SEL1L3: variants seen among roughly 807,000 people sequenced by gnomAD.
SEL1L3 encodes the protein protein sel-1 homolog 3.
A neutral mutation model predicts 142.8 loss-of-function variants in SEL1L3; 76 were observed. The observed-to-expected ratio is 0.53, with a 90% CI of 0.44 to 0.64. The LOEUF is 0.64. Among genes scored for constraint, SEL1L3 ranks in the 30% least tolerant of loss-of-function variants. SEL1L3 has a pLI of 0.00. For synonymous variants in SEL1L3, 504 were observed against 519.6 expected (o/e 0.97, Z 0.41); for missense variants, 1,262 against 1,381.7 (o/e 0.91, Z 1.37).
the SEL1L3 span, among the ~76,000 whole-genome samples, chr4:25,722,112 AT>A: frequency 6.6e-6 from 1 of 152,176 alleles, no homozygotes; most frequent in Non-Finnish European, 1.5e-5. Context: ...CTTATATACC[AT>A]TTTAACAAAG....
intron 9 of SEL1L3, among the ~76,000 whole-genome samples, chr4:25,809,180 G>A (rs1713845585): frequency 6.6e-6 from 1 of 150,434 alleles, no homozygotes; most frequent in African/African-American, 2.5e-5. Flanking sequence ...ATCTTGCTCT[G>A]TCGCCCAGAC....
chr4:25,722,623 G>GTTTTTTTTTTTTTT, the SEL1L3 span, among the ~76,000 whole-genome samples: 1 of 125,124 alleles, frequency 8.0e-6, no homozygotes, highest in African/African-American at 4.6e-5. Context: ...TCCAAAGGAG[G>GTTTTTTTTTTTTTT]CTTTTTTTTT....
intron 6 of SEL1L3, among the ~76,000 whole-genome samples, chr4:25,823,941 G>A (rs1490476365): frequency 6.6e-6 from 1 of 152,180 alleles, no homozygotes; most frequent in Non-Finnish European, 1.5e-5. Context: ...GGAGGCATGA[G>A]ACAATGAAGC....
At chr4:25,739,265 G>A in the SEL1L3 span, among the ~76,000 whole-genome samples, 6 of 152,108 alleles carry the variant, frequency 3.9e-5, no homozygotes, top group South Asian at 4.2e-4. Flanking sequence ...GGCATTTTTG[G>A]TTGTCACAAC....
At chr4:25,827,705 C>T (rs1239670535) in intron 6 of SEL1L3, among the ~76,000 whole-genome samples, 1 of 152,168 alleles carries the variant, frequency 6.6e-6, no homozygotes, top group Non-Finnish European at 1.5e-5. Context: ...CACTCTTTCT[C>T]CCATTCACTC....
At chr4:25,790,659 GAAGGA>G (rs1712250576) in intron 11 of SEL1L3, 85 bp from the exon 12 acceptor site, 1 of 40,456 alleles carries the variant, frequency 2.5e-5, no homozygotes, top group Non-Finnish European at 4.7e-5. Flanking sequence ...AGGAAGGAAG[GAAGGA>G]AGGGAGGGAG....
intron 2 of SEL1L3, among the ~76,000 whole-genome samples, chr4:25,842,245 TAA>T (rs113690467): frequency 1.4e-5 from 2 of 139,978 alleles, no homozygotes; most frequent in Non-Finnish European, 1.6e-5. Flanking sequence ...TTGTGGAAAT[TAA>T]AAAAAAAAAA....
chr4:25,714,524 CTTT>C, the SEL1L3 span, among the ~76,000 whole-genome samples: 1 of 141,140 alleles, frequency 7.1e-6, no homozygotes, highest in African/African-American at 2.7e-5. Flanking sequence ...TTCTTTCTTT[CTTT>C]CTTTCTTTCT....
At chr4:25,821,807 T>C (rs1010662098) in intron 7 of SEL1L3, among the ~76,000 whole-genome samples, 189 bp downstream of exon 7, 1 of 152,218 alleles carries the variant, frequency 6.6e-6, no homozygotes, top group Non-Finnish European at 1.5e-5. Flanking sequence ...GAGTACTAAA[T>C]GAACCAAATG....
At position 25,779,113 on chromosome 4, in the gene SEL1L3, G is replaced by A; in HGVS notation, c.2548C>T (p.Leu850=). 1 of 1,613,632 alleles carries A rather than the reference G, an allele frequency of 6.2e-7. No homozygotes were observed. Among genetic ancestry groups the A allele is most frequent in the Non-Finnish European group, 8.5e-7 (1 of 1,179,620 alleles). The change falls in exon 16 of 24, where the codon CTG becomes TTG. Residue 850 remains leucine, a synonymous_variant. Coordinates refer to ENST00000399878, the MANE Select transcript of SEL1L3 (RefSeq NM_015187.5). ...TCAGGATCTCTAGGGAATGTCTCCA[G>A]GTTGCCTGTGATATAGTAGAGAGAA... The part of the protein sequence containing the change: ...WCSLYYITGN[L]ETFPRDPEKA...
rs369413875 is a variant in SEL1L3, at chr4:25,808,662, G to A, written c.1565-3910C>T. Among the ~76,000 whole-genome samples, 25 of 140,730 alleles carry A rather than the reference G, an allele frequency of 1.8e-4. No homozygotes were observed. The East Asian group carries it at 3.1e-3, about 17-fold the overall frequency. The allele number at this position is 140,730 out of a possible 152,430, so 92.3% of individuals were successfully genotyped here. A position where few individuals can be genotyped will look rare whatever the true frequency, so the allele number is the denominator to read the frequency against. The stretch of plus-strand genomic sequence containing the variant: ...GAAAATGTCACTTAACTATTAAAAG[G>A]AATGATCTACACCAAGTTGACTGGT... On this transcript the variant is annotated intron_variant, in intron 9 of 23. Coordinates refer to ENST00000399878, the MANE Select transcript of SEL1L3 (RefSeq NM_015187.5).
intron 16 of SEL1L3, among the ~76,000 whole-genome samples, chr4:25,778,531 T>C (rs1040951659): frequency 6.6e-6 from 1 of 152,160 alleles, no homozygotes; most frequent in Non-Finnish European, 1.5e-5. Flanking sequence ...ATGGTTCAGT[T>C]AGAAATAGCA....
intron 2 of SEL1L3, among the ~76,000 whole-genome samples, chr4:25,839,383 G>A (rs1291634787): frequency 5.3e-5 from 8 of 152,208 alleles, no homozygotes; most frequent in East Asian, 3.8e-4. Context: ...TGTGCACAGA[G>A]ATACATGTAC....
At chr4:25,733,887 TG>T in the SEL1L3 span, among the ~76,000 whole-genome samples, 1 of 152,208 alleles carries the variant, frequency 6.6e-6, no homozygotes, top group African/African-American at 2.4e-5. Context: ...ATCCTTGCTT[TG>T]TTCCAAATCT....
rs1024181315 is a variant in SEL1L3 at position 25,820,032 on chromosome 4, C to T, written c.1291-92G>A. On this transcript the variant is annotated intron_variant, in intron 7 of 23. Coordinates refer to ENST00000399878, the MANE Select transcript of SEL1L3 (RefSeq NM_015187.5). The stretch of plus-strand genomic sequence containing the variant: ...ATGTGTTTGGGTTGACTTTGTTCTC[C>T]CATTGACATCTCCAGGTGGCTCGTT... The T allele has an allele frequency of 2.4e-6, 3 of 1,242,394 alleles. No individual in the cohort carries two copies. In the African/African-American group the frequency reaches 4.5e-5, roughly 19 times the overall value. The allele number at this position is 1,242,394 out of a possible 1,614,324, so 77.0% of individuals were successfully genotyped here.
intron 6 of SEL1L3, among the ~76,000 whole-genome samples, chr4:25,828,390 G>C (rs1472469599): frequency 7.1e-6 from 1 of 140,762 alleles, no homozygotes; most frequent in Admixed American, 7.1e-5. Context: ...TTATCTTTTC[G>C]TTTTTTTTTT....
intron 23 of SEL1L3, among the ~76,000 whole-genome samples, chr4:25,752,528 T>A (rs1231761369): frequency 6.6e-6 from 1 of 152,172 alleles, no homozygotes; most frequent in Non-Finnish European, 1.5e-5. Flanking sequence ...TCAAGCTATT[T>A]ATGTGTGGGT....
At chr4:25,803,539 G>A (rs560232538) in intron 10 of SEL1L3, among the ~76,000 whole-genome samples, 2 of 152,306 alleles carry the variant, frequency 1.3e-5, no homozygotes, top group East Asian at 1.9e-4. Context: ...ACTCTACTGT[G>A]CCATCGGGTA....
intron 23 of SEL1L3, 115 bp from the exon 24 acceptor site, chr4:25,748,679 TG>T: frequency 2.8e-6 from 3 of 1,060,402 alleles, no homozygotes; most frequent in Non-Finnish European, 4.0e-6. Context: ...CTAATGAACC[TG>T]ACACTAACTA....
Sources: gnomAD v4.1 joint callset for allele counts (sites outside exome capture counted in the v4.1 genomes callset) on GRCh38, gnomAD v4.1.1 for gene constraint, MANE v1.5 for transcripts, NCBI Gene and HGNC (gene_info 2026-07-23, HGNC 2026-07-21) for gene names.